Variants in FAT3 observed in about 807,000 individuals in gnomAD.
FAT3 encodes protocadherin Fat 3.
In FAT3, 95 loss-of-function variants were observed where a neutral mutation model predicts 310.2. That is an observed-to-expected ratio of 0.31 (90% CI 0.26 to 0.36). FAT3 has a LOEUF of 0.36. FAT3 is among the 10% of genes least tolerant of loss of function. The probability of loss-of-function intolerance (pLI) is 1.00; values close to 1 mark genes in which losing one functional copy is unlikely to be tolerated. For missense variants in FAT3, 5,408 were observed against 5,715.6 expected (o/e 0.95, Z 1.74); for synonymous variants, 2,314 against 2,192.9 (o/e 1.06, Z -1.54).
rs1457090412 is a variant in FAT3, at chr11:92,667,137, T to TA, written c.3608-30247_3608-30246insA. On this transcript the variant is annotated intron_variant, in intron 3 of 27. Coordinates refer to ENST00000525166, the MANE Select transcript of FAT3 (RefSeq NM_001367949.2). ...AAGATGAAGGAGTGATGCCTAAGGT[T>TA]CTACTTGTAACTTTCATATCTGTGA... is the stretch of plus-strand genomic sequence containing the variant. Among the ~76,000 whole-genome samples the TA allele has an allele frequency of 9.8e-5, 15 of 152,304 alleles. No homozygotes were observed. The East Asian group carries it at 2.7e-3, about 27-fold the overall frequency.
chr11:92,334,123 C>G (rs1316045987), intron 1 of FAT3, among the ~76,000 whole-genome samples: 2 of 152,110 alleles, frequency 1.3e-5, no homozygotes, highest in Admixed American at 1.3e-4. Flanking sequence ...ACCCTGTAAT[C>G]CCAGCACTTT....
chr11:92,526,888 A>G (rs1392083641), intron 3 of FAT3, among the ~76,000 whole-genome samples: 1 of 152,198 alleles, frequency 6.6e-6, no homozygotes, highest in East Asian at 1.9e-4. Flanking sequence ...ACACATGATA[A>G]GAAAATACTG....
intron 1 of FAT3, among the ~76,000 whole-genome samples, chr11:92,321,009 T>C (rs1479803644): frequency 6.6e-6 from 1 of 152,198 alleles, no homozygotes; most frequent in Non-Finnish European, 1.5e-5. Context: ...AGAACAATGC[T>C]TAAAGTTGTT....
At chr11:92,566,443 T>A (rs1437096250) in intron 3 of FAT3, among the ~76,000 whole-genome samples, 1 of 151,756 alleles carries the variant, frequency 6.6e-6, no homozygotes, top group East Asian at 1.9e-4. Context: ...ATCAATATCG[T>A]GAAAATGGCC....
At chr11:92,296,562 A>G (rs1946854519) in intron 1 of FAT3, among the ~76,000 whole-genome samples, 1 of 152,110 alleles carries the variant, frequency 6.6e-6, no homozygotes, top group Admixed American at 6.6e-5. Context: ...AAGTTCAGGA[A>G]GCTGCTGGTG....
chr11:92,796,347 G>C (rs1360221366), intron 9 of FAT3, among the ~76,000 whole-genome samples: 1 of 152,142 alleles, frequency 6.6e-6, no homozygotes, highest in Admixed American at 6.5e-5. Flanking sequence ...TCACATTTGG[G>C]GGGGCTGGAA....
intron 2 of FAT3, among the ~76,000 whole-genome samples, chr11:92,516,137 A>C (rs1351340394): frequency 6.6e-6 from 1 of 152,178 alleles, no homozygotes; most frequent in Admixed American, 6.6e-5. Context: ...AACTCATGTT[A>C]TGAGGCCAGC....
At chr11:92,534,198 C>G (rs768234747) in intron 3 of FAT3, among the ~76,000 whole-genome samples, 3 of 152,020 alleles carry the variant, frequency 2.0e-5, no homozygotes, top group Admixed American at 1.3e-4. Context: ...AGCCTTAACC[C>G]AGAGCACAGG....
intron 9 of FAT3, among the ~76,000 whole-genome samples, chr11:92,793,212 G>T (rs528500421): frequency 6.6e-6 from 1 of 152,168 alleles, no homozygotes; most frequent in African/African-American, 2.4e-5. Flanking sequence ...TTTGATCTTG[G>T]ATTTTTCTTG....
At chr11:92,464,851 G>A (rs948353298) in intron 2 of FAT3, among the ~76,000 whole-genome samples, 4 of 152,082 alleles carry the variant, frequency 2.6e-5, no homozygotes, top group African/African-American at 7.2e-5. Flanking sequence ...AAATAAAAAC[G>A]TTCTGGGACC....
intron 4 of FAT3, among the ~76,000 whole-genome samples, chr11:92,721,219 G>C (rs142534754): frequency 7.8e-4 from 119 of 152,236 alleles, no homozygotes; most frequent in South Asian, 4.8e-3. Flanking sequence ...GCAAGAAATA[G>C]GTTATTATAA....
intron 1 of FAT3, among the ~76,000 whole-genome samples, chr11:92,337,199 A>G (rs1367889734): frequency 1.3e-5 from 2 of 152,184 alleles, no homozygotes; most frequent in African/African-American, 2.4e-5. Flanking sequence ...TCCCAATTCA[A>G]CAAATATTTC....
intron 3 of FAT3, among the ~76,000 whole-genome samples, chr11:92,603,032 T>C (rs549626815): frequency 6.6e-6 from 1 of 152,234 alleles, no homozygotes; most frequent in African/African-American, 2.4e-5. Flanking sequence ...ACTTTCAGTA[T>C]GCATACTGTG....
At position 92,240,582 on chromosome 11, in the gene FAT3, A is replaced by AAAAC. The variant is rs1199736918; in HGVS notation, c.-18+15411_-18+15412insCAAA. Reference sequence around the variant, plus strand: ...AAACAAAATGAAACCCCCCCAAAAAAAAAAAACCCAAAAAACCAAATCCCA... The same window carrying AAAAC: ...AAACAAAATGAAACCCCCCCAAAAAAAAACAAAAAACCCAAAAAACCAAATCCCA... On this transcript the variant is annotated intron_variant, in intron 1 of 27. Transcript: ENST00000525166. 9.2e-5 allele frequency among the ~76,000 whole-genome samples: 14 copies of AAAAC among 151,792 alleles called. No homozygotes were observed. The East Asian group carries it at 2.7e-3, about 29-fold the overall frequency.
At chr11:92,619,209 C>A (rs944284199) in intron 3 of FAT3, among the ~76,000 whole-genome samples, 5 of 152,230 alleles carry the variant, frequency 3.3e-5, no homozygotes, top group South Asian at 4.2e-4. Context: ...TGTTGTATAA[C>A]CTTTTTTATT....
In FAT3 at chr11:92,516,344, C is replaced by T. The variant is rs1953483587; in HGVS notation, c.3293-8290C>T. Among the ~76,000 whole-genome samples the T allele has an allele frequency of 1.3e-5, 2 of 152,134 alleles. 1 individual carries two copies. The highest frequency in any genetic ancestry group is 4.8e-5 in the African/African-American group (2 of 41,442). Reference sequence around the variant, plus strand: ...CAAGGCTGGTTCAACATATGCAAATCAATAAACATAAGCCATCACATAAAC... The same window carrying T: ...CAAGGCTGGTTCAACATATGCAAATTAATAAACATAAGCCATCACATAAAC... On this transcript the variant is annotated intron_variant, in intron 2 of 27. Transcript: ENST00000525166.
chr11:92,701,694 A>G (rs746029959), intron 4 of FAT3, among the ~76,000 whole-genome samples: 18 of 152,362 alleles, frequency 1.2e-4, no homozygotes, highest in Non-Finnish European at 2.2e-4. Flanking sequence ...TAATTCCAGC[A>G]TACAGATGCC....
intron 4 of FAT3, among the ~76,000 whole-genome samples, chr11:92,728,045 C>T (rs1272341054): frequency 6.6e-6 from 1 of 152,162 alleles, no homozygotes; most frequent in African/African-American, 2.4e-5. Flanking sequence ...GGGTCTCTGA[C>T]ACCTCCCAGG....
At chr11:92,276,507 G>A (rs2134350730) in intron 1 of FAT3, among the ~76,000 whole-genome samples, 1 of 152,202 alleles carries the variant, frequency 6.6e-6, no homozygotes, top group Non-Finnish European at 1.5e-5. Flanking sequence ...TTCTGGTATG[G>A]CTGTGTGACT....
Sources: allele counts gnomAD v4.1 joint callset (sites outside exome capture counted in the v4.1 genomes callset), GRCh38; gene constraint gnomAD v4.1.1; transcripts MANE v1.5; gene names NCBI Gene and HGNC (gene_info 2026-07-23, HGNC 2026-07-21).